Variants in KCNH1 observed in about 807,000 individuals in gnomAD.
The protein encoded by KCNH1 is voltage-gated delayed rectifier potassium channel KCNH1.
Under a neutral mutation model 69.2 loss-of-function variants are expected in KCNH1, and 27 were observed. That is an observed-to-expected ratio of 0.39 (90% confidence interval 0.29 to 0.54). KCNH1 has a LOEUF of 0.54. Ranked by LOEUF, KCNH1 falls within the 20% of genes least tolerant of loss-of-function variation. KCNH1 has a pLI of 0.68. For missense variants in KCNH1, 798 were observed against 1,261.6 expected (o/e 0.63, Z 5.57); for synonymous variants, 456 against 487.7 (o/e 0.93, Z 0.86).
chr1:211,050,278 A>AAAAAAAAAAAAAAAAAAAAAAAG (rs1690176151), intron 5 of KCNH1, among the ~76,000 whole-genome samples: 1 of 147,256 alleles, frequency 6.8e-6, no homozygotes, highest in Non-Finnish European at 1.5e-5. Flanking sequence ...AAAAAAAAAA[A>AAAAAAAAAAAAAAAAAAAAAAAG]AAAAAAAAAA....
chr1:210,742,186 C>T (rs1048132745), intron 10 of KCNH1, among the ~76,000 whole-genome samples: 1 of 152,164 alleles, frequency 6.6e-6, no homozygotes, highest in African/African-American at 2.4e-5. Context: ...AATCTAGTCA[C>T]CATGAATTCT....
chr1:210,848,191 G>A (rs1161476230), intron 7 of KCNH1, among the ~76,000 whole-genome samples: 2 of 152,136 alleles, frequency 1.3e-5, no homozygotes, highest in East Asian at 3.8e-4. Context: ...ATAGGTAGTA[G>A]ACATTCAATA....
chr1:210,819,538 C>A (rs58371160), intron 7 of KCNH1, among the ~76,000 whole-genome samples: 8,299 of 151,818 alleles, frequency 0.055, 483 homozygotes, highest in East Asian at 0.14. Context: ...TCACGGCTAT[C>A]CTGAGAGTAG....
chr1:210,858,085 G>A (rs1685895170), intron 7 of KCNH1: 2 of 152,150 alleles, frequency 1.3e-5, no homozygotes, highest in African/African-American at 4.8e-5. Context: ...GTTATAAATT[G>A]TTTATATTGT....
At chr1:210,909,314 C>T (rs958959832) in intron 7 of KCNH1, among the ~76,000 whole-genome samples, 2 of 152,186 alleles carry the variant, frequency 1.3e-5, no homozygotes, top group Non-Finnish European at 2.9e-5. Flanking sequence ...AACACCTTCT[C>T]CCTCCTTTAC....
intron 6 of KCNH1, among the ~76,000 whole-genome samples, chr1:211,002,126 C>T (rs555565334): frequency 4.0e-5 from 6 of 151,796 alleles, no homozygotes; most frequent in Non-Finnish European, 7.4e-5. Flanking sequence ...CAAACCTGCA[C>T]GTTGTGCACA....
At chr1:210,773,240 C>A (rs1683786252) in intron 10 of KCNH1, among the ~76,000 whole-genome samples, 1 of 152,238 alleles carries the variant, frequency 6.6e-6, no homozygotes, top group African/African-American at 2.4e-5. Flanking sequence ...TTCTCCACCA[C>A]TGCCCACCCT....
chr1:210,877,951 C>T (rs1686414479), intron 7 of KCNH1, among the ~76,000 whole-genome samples: 1 of 152,110 alleles, frequency 6.6e-6, no homozygotes, highest in Non-Finnish European at 1.5e-5. Flanking sequence ...AACAAAGTCA[C>T]CTAACTCTCT....
chr1:211,093,078 G>A (rs1691084804), intron 3 of KCNH1, among the ~76,000 whole-genome samples: 5 of 152,154 alleles, frequency 3.3e-5, no homozygotes, highest in South Asian at 4.1e-4. Context: ...AGAATCTCCA[G>A]AACCCTCCCC....
intron 10 of KCNH1, among the ~76,000 whole-genome samples, chr1:210,735,421 AGTGT>A (rs71146244): frequency 0.049 from 6,447 of 131,908 alleles, 227 homozygotes; most frequent in East Asian, 0.097. Context: ...TGAGTGAGTG[AGTGT>A]GTGTGTGTGT....
At chr1:211,036,404 T>G (rs1188877799) in intron 5 of KCNH1, among the ~76,000 whole-genome samples, 5 of 152,168 alleles carry the variant, frequency 3.3e-5, no homozygotes, top group Non-Finnish European at 7.3e-5. Flanking sequence ...GACGGTCAAT[T>G]TCTATGTTTC....
chr1:210,912,783 C>A (rs144869657), intron 7 of KCNH1, among the ~76,000 whole-genome samples: 3 of 152,292 alleles, frequency 2.0e-5, no homozygotes, highest in Non-Finnish European at 2.9e-5. Context: ...AAAGCCAGAA[C>A]TGACTGGTTC....
chr1:210,896,748 AG>A (rs1418044254), intron 7 of KCNH1, among the ~76,000 whole-genome samples: 1 of 152,228 alleles, frequency 6.6e-6, no homozygotes, highest in Non-Finnish European at 1.5e-5. Context: ...AAAGAAGAAA[AG>A]GTTGAAGAAA....
At chr1:210,818,331 T>C (rs1684860540) in intron 7 of KCNH1, among the ~76,000 whole-genome samples, 1 of 152,182 alleles carries the variant, frequency 6.6e-6, no homozygotes, top group African/African-American at 2.4e-5. Context: ...TACATATTTC[T>C]CATTCACAAA....
intron 10 of KCNH1, among the ~76,000 whole-genome samples, chr1:210,693,515 G>T (rs1007777691): frequency 3.3e-5 from 5 of 152,142 alleles, no homozygotes; most frequent in Non-Finnish European, 7.3e-5. Context: ...GATATGGAGG[G>T]GATGGCCCAG....
chr1:210,820,033 T>A (rs1016962652), intron 7 of KCNH1, among the ~76,000 whole-genome samples: 1 of 152,228 alleles, frequency 6.6e-6, no homozygotes, highest in Non-Finnish European at 1.5e-5. Flanking sequence ...AGCCAATATC[T>A]GACTGCAACC....
At chr1:211,107,482 C>T in intron 1 of KCNH1, 105 bp from the exon 2 acceptor site, 1 of 1,144,442 alleles carries the variant, frequency 8.7e-7, no homozygotes, top group Admixed American at 2.3e-5. Context: ...ATTTCTGATT[C>T]CCTCCAAAAC....
chr1:211,045,112 C>T (rs1690073978), intron 5 of KCNH1, among the ~76,000 whole-genome samples: 2 of 136,522 alleles, frequency 1.5e-5, no homozygotes, highest in Non-Finnish European at 3.1e-5. Context: ...TAATGGCATT[C>T]ACAGCAACCT....
intron 6 of KCNH1, among the ~76,000 whole-genome samples, chr1:210,972,123 T>G (rs961068469): frequency 1.3e-5 from 2 of 152,024 alleles, no homozygotes; most frequent in Admixed American, 6.6e-5. Context: ...AACAGAGGGG[T>G]TTTTTTCCCT....
Sources: allele counts gnomAD v4.1 joint callset (sites outside exome capture counted in the v4.1 genomes callset), GRCh38; gene constraint gnomAD v4.1.1; transcripts MANE v1.5; gene names NCBI Gene and HGNC (gene_info 2026-07-23, HGNC 2026-07-21).